The following MATN1 variants were observed in gnomAD, a reference collection of about 807,000 sequenced individuals.
MATN1 encodes the protein matrilin 1.
A neutral mutation model predicts 41.3 loss-of-function variants in MATN1; 34 were observed. The ratio of observed to expected loss-of-function variants is 0.82; its 90% CI spans 0.63 to 1.10. The LOEUF (loss-of-function observed/expected upper bound fraction) is 1.10, where lower values mean the gene tolerates loss of function less well. Among genes scored for constraint, MATN1 ranks in the 50% least tolerant of loss-of-function variants. The pLI is 0.00. For synonymous variants in MATN1, 264 were observed against 278.7 expected, an observed-to-expected ratio of 0.95 and a Z score of 0.53; for missense variants, 602 against 662.4, an observed-to-expected ratio of 0.91 and a Z score of 1.00.
At position 30,713,435 on chromosome 1, in the gene MATN1, G is replaced by A. The variant is rs1367301154; in HGVS notation, c.*147C>T. 11 of 707,890 alleles carry A rather than the reference G, an allele frequency of 1.6e-5. No individual in the cohort carries two copies. The highest frequency in any genetic ancestry group is 2.7e-5 in the East Asian group (1 of 36,676). 43.9% of individuals were successfully genotyped at this position (707,890 alleles called of 1,614,324 possible). ...TACACACACGCACACATACACACACGAGCTCCCAAACGCCATTACACGCTC... is the reference window on the plus strand; with the variant it reads ...TACACACACGCACACATACACACACAAGCTCCCAAACGCCATTACACGCTC... On this transcript the variant is annotated 3_prime_UTR_variant, in exon 8 of 8. Coordinates refer to ENST00000373765, the MANE Select transcript of MATN1 (RefSeq NM_002379.3).
At position 30,717,009 on chromosome 1, in the gene MATN1, A is replaced by G. The variant is rs553508877; in HGVS notation, c.665-94T>C. On this transcript the variant is annotated intron_variant, in intron 3 of 7. Coordinates refer to ENST00000373765, the MANE Select transcript of MATN1 (RefSeq NM_002379.3). Reference sequence around the variant, plus strand: ...TCCCTGACTGTGGATACCAGGCCCCATCCAGACTCAGGGAAACTAAGATCT... The same window carrying G: ...TCCCTGACTGTGGATACCAGGCCCCGTCCAGACTCAGGGAAACTAAGATCT... 10 of 1,363,538 alleles carry G rather than the reference A, an allele frequency of 7.3e-6. No individual in the cohort carries two copies. In the South Asian group the frequency reaches 1.5e-4, roughly 21 times the overall value. The allele number at this position is 1,363,538 out of a possible 1,614,324, so 84.5% of individuals were successfully genotyped here.
Position 30,713,498 on chromosome 1 carries a change from G to T in MATN1, c.*84C>A, listed in dbSNP as rs952898952. ...CCCAGACACACCCCCTCCCACCCCC[G>T]GGCTGGCTTCCCTCACTAAAATGGT... On this transcript the variant is annotated 3_prime_UTR_variant, in exon 8 of 8. Transcript: ENST00000373765. The T allele has an allele frequency of 3.5e-5, 49 of 1,400,800 alleles. No individual in the cohort carries two copies. The highest frequency in any genetic ancestry group is 4.4e-5 in the Non-Finnish European group (44 of 1,010,258). 86.8% of individuals were successfully genotyped at this position (1,400,800 alleles called of 1,614,324 possible). A position where few individuals can be genotyped will look rare whatever the true frequency, so the allele number is the denominator to read the frequency against.
intron 2 of MATN1, chr1:30,720,977 G>A (rs1049883668): frequency 5.8e-6 from 1 of 171,452 alleles, no homozygotes; most frequent in South Asian, 1.6e-4. Flanking sequence ...CATTTTACAG[G>A]TGAGGAAACC....
At chr1:30,723,434 C>T in intron 1 of MATN1, 24 bp downstream of exon 1, 1 of 1,481,560 alleles carries the variant, frequency 6.7e-7, no homozygotes, top group Non-Finnish European at 9.0e-7. Flanking sequence ...CTCAGTAGCC[C>T]CCATCTCACG....
At chr1:30,718,651 G>A in intron 3 of MATN1, 84 bp downstream of exon 3, 1 of 738,974 alleles carries the variant, frequency 1.4e-6, no homozygotes, top group South Asian at 2.2e-5. Flanking sequence ...CCTCAGCCTC[G>A]GTCCCGCCTC....
In MATN1 at chr1:30,719,024, C is replaced by T; in HGVS notation, c.442-67G>A. 5 of 1,231,688 alleles carry T rather than the reference C, an allele frequency of 4.1e-6. No homozygotes were observed. In the South Asian group the frequency reaches 9.1e-5, roughly 22 times the overall value. 76.3% of individuals were successfully genotyped at this position (1,231,688 alleles called of 1,614,324 possible). ...CCACGGGACTGTCCAGGAGAGGAGG[C>T]TGAGGCCCGGAGAGGCGGGAGGACT... On this transcript the variant is annotated intron_variant, in intron 2 of 7. Transcript: ENST00000373765.
rs1031718062 is a variant in MATN1, at chr1:30,713,423, A to G, written c.*159T>C. On this transcript the variant is annotated 3_prime_UTR_variant, in exon 8 of 8. Transcript: ENST00000373765. ...CACATGCACACATACACACACGCAC[A>G]CATACACACACGAGCTCCCAAACGC... 1 of 679,172 alleles carries G rather than the reference A, an allele frequency of 1.5e-6. No individual in the cohort carries two copies. Among genetic ancestry groups the G allele is most frequent in the South Asian group, 1.7e-5 (1 of 57,826 alleles). 42.1% of individuals were successfully genotyped at this position (679,172 alleles called of 1,614,324 possible).
intron 7 of MATN1, chr1:30,713,891 T>A: frequency 1.7e-6 from 1 of 588,396 alleles, no homozygotes; most frequent in Non-Finnish European, 3.0e-6. Context: ...AGGGGAACTG[T>A]CTGGGGCCCA....
rs1188400 is a variant in MATN1 at position 30,711,932 on chromosome 1, T to C, written c.*1650A>G. ...CCCAGGGACGGACAGAGAGAAAGGG[T>C]TTGGTGAACTGTGTAGGAGGTGGAG... On this transcript the variant is annotated 3_prime_UTR_variant, in exon 8 of 8. Transcript: ENST00000373765. 0.54 allele frequency: 82,544 copies of C among 151,918 alleles called. 23,359 individuals carry two copies. Among genetic ancestry groups the C allele is most frequent in the African/African-American group, 0.71 (29,291 of 41,326 alleles). 9.4% of individuals were successfully genotyped at this position (151,918 alleles called of 1,614,324 possible). A position where few individuals can be genotyped will look rare whatever the true frequency, so the allele number is the denominator to read the frequency against.
intron 4 of MATN1, 41 bp downstream of exon 4, chr1:30,716,749 C>G: frequency 6.2e-7 from 1 of 1,607,008 alleles, no homozygotes; most frequent in African/African-American, 1.3e-5. Flanking sequence ...CACCTCCCCT[C>G]CACACCCTCT....
intron 2 of MATN1, 85 bp downstream of exon 2, chr1:30,721,320 G>T: frequency 7.6e-7 from 1 of 1,309,844 alleles, no homozygotes; most frequent in Non-Finnish European, 1.1e-6. Flanking sequence ...GGCATCATGG[G>T]AATCAAAGTG....
chr1:30,716,002 C>T lies in MATN1; in HGVS notation c.1114G>A (p.Ala372Thr). Residue 372 changes from alanine to threonine, a missense_variant, in exon 5 of 8, where the codon GCT (alanine) becomes ACT (threonine). By Grantham distance (58) the Ala-to-Thr change is moderately conservative. Transcript: ENST00000373765. The part of the protein sequence containing the change: ...IDNSFTVSSG[A>T]RPGAQKVGIV... ...CCCACCTTCTGGGCCCCGGGCCTAG[C>T]CCCACTGGACACAGTGAAGGAATTG... 1 of 1,614,230 alleles carries T rather than the reference C, an allele frequency of 6.2e-7. No homozygotes were observed. The highest frequency in any genetic ancestry group is 8.5e-7 in the Non-Finnish European group (1 of 1,180,046).
At chr1:30,721,772 G>A (rs779089205) in intron 1 of MATN1, 21 bp from the exon 2 acceptor site, 8 of 1,583,122 alleles carry the variant, frequency 5.1e-6, no homozygotes, top group Non-Finnish European at 6.9e-6. Flanking sequence ...GGCAGGAGGG[G>A]TAAGGCAGAG....
Position 30,721,762 on chromosome 1 carries a change from G to A in MATN1, c.95-11C>T, listed in dbSNP as rs753201414. On this transcript the variant is annotated splice_polypyrimidine_tract_variant and intron_variant, in intron 1 of 7. Coordinates refer to ENST00000373765, the MANE Select transcript of MATN1 (RefSeq NM_002379.3). ...TCCGGCAGAGATGGCCTGGGAGTGG[G>A]GCAGGAGGGGTAAGGCAGAGAGCAG... The A allele has an allele frequency of 1.6e-5, 26 of 1,599,128 alleles. No individual in the cohort carries two copies. Among genetic ancestry groups the A allele is most frequent in the Non-Finnish European group, 2.2e-5 (26 of 1,174,140 alleles).
intron 3 of MATN1, among the ~76,000 whole-genome samples, chr1:30,718,242 T>C (rs1419545503): frequency 6.6e-6 from 1 of 151,184 alleles, no homozygotes; most frequent in Non-Finnish European, 1.5e-5. Flanking sequence ...GTCTTCACTT[T>C]AGCGCTGGCT....
At chr1:30,715,879 GT>G in intron 5 of MATN1, 29 bp downstream of exon 5, 1 of 1,590,234 alleles carries the variant, frequency 6.3e-7, no homozygotes. Flanking sequence ...GCCATCAGTG[GT>G]GTCCAGGGTC....
At chr1:30,715,122 C>T in intron 6 of MATN1, 35 bp downstream of exon 6, 1 of 1,609,516 alleles carries the variant, frequency 6.2e-7, no homozygotes, top group Non-Finnish European at 8.5e-7. Context: ...GCCCCACCTG[C>T]AAATCCCATC....
rs1639585575 is a variant in MATN1, at chr1:30,713,932, G to T, written c.1442-301C>A. ...ACCTCTGAGTGGGTACTGGGGTCAGGCACGTCACCATGAGCCTGAGAAATG... is the reference window on the plus strand; with the variant it reads ...ACCTCTGAGTGGGTACTGGGGTCAGTCACGTCACCATGAGCCTGAGAAATG... On this transcript the variant is annotated intron_variant, in intron 7 of 7. Coordinates refer to ENST00000373765, the MANE Select transcript of MATN1 (RefSeq NM_002379.3). 5.2e-6 allele frequency: 3 copies of T among 579,760 alleles called. No homozygotes were observed. In the Admixed American group the frequency reaches 9.0e-5, roughly 17 times the overall value. 35.9% of individuals were successfully genotyped at this position (579,760 alleles called of 1,614,324 possible).
Position 30,723,466 on chromosome 1 carries a change from T to TG in MATN1, c.85dup (p.Gln29ProfsTer28), listed in dbSNP as rs1419789464. On this transcript the variant is annotated frameshift_variant, in exon 1 of 8. Coordinates refer to ENST00000373765, the MANE Select transcript of MATN1 (RefSeq NM_002379.3). LOFTEE classifies it high-confidence loss of function. ...CACGCAAGCCCCCTCACCTCTGGAC[T>TG]GGGGGGCGAGGCCAGGGCTGCACAG... The TG allele has an allele frequency of 6.6e-7, 1 of 1,522,220 alleles. No individual in the cohort carries two copies. The highest frequency in any genetic ancestry group is 8.8e-7 in the Non-Finnish European group (1 of 1,134,870). The allele number at this position is 1,522,220 out of a possible 1,614,324, so 94.3% of individuals were successfully genotyped here.
Sources: gnomAD v4.1 joint callset for allele counts (sites outside exome capture counted in the v4.1 genomes callset) on GRCh38, gnomAD v4.1.1 for gene constraint, MANE v1.5 for transcripts, NCBI Gene and HGNC (gene_info 2026-07-23, HGNC 2026-07-21) for gene names.